Variants in GOLPH3L observed in about 807,000 individuals in gnomAD.
GOLPH3L encodes Golgi phosphoprotein 3-like.
Under a neutral mutation model 30.3 loss-of-function variants are expected in GOLPH3L, and 22 were observed. That is an observed-to-expected ratio of 0.73 (90% CI 0.52 to 1.04). GOLPH3L has a LOEUF of 1.04. Ranked by LOEUF, GOLPH3L falls within the 50% of genes least tolerant of loss-of-function variation. GOLPH3L has a pLI of 0.00. For synonymous variants in GOLPH3L, 120 were observed against 128.2 expected, an observed-to-expected ratio of 0.94 and a Z score of 0.43; for missense variants, 303 against 345.8, an observed-to-expected ratio of 0.88 and a Z score of 0.98.
intron 2 of GOLPH3L, among the ~76,000 whole-genome samples, chr1:150,680,161 G>A (rs923298070): frequency 3.3e-5 from 5 of 152,102 alleles, no homozygotes; most frequent in Non-Finnish European, 7.4e-5. Context: ...GGAATGGAAA[G>A]GAGGTATCAA....
chr1:150,663,296 T>C (rs978424156), intron 3 of GOLPH3L, among the ~76,000 whole-genome samples: 2 of 152,102 alleles, frequency 1.3e-5, no homozygotes, highest in African/African-American at 4.8e-5. Flanking sequence ...CGCCTCGGCC[T>C]CTCAAAGTGC....
At chr1:150,690,932 C>T (rs1651194234) in intron 2 of GOLPH3L, among the ~76,000 whole-genome samples, 1 of 152,098 alleles carries the variant, frequency 6.6e-6, no homozygotes, top group Non-Finnish European at 1.5e-5. Context: ...AAATATTTTG[C>T]ATTGTGAAAT....
At chr1:150,683,392 T>C (rs879549435) in intron 2 of GOLPH3L, among the ~76,000 whole-genome samples, 3 of 151,628 alleles carry the variant, frequency 2.0e-5, no homozygotes, top group Non-Finnish European at 4.4e-5. Flanking sequence ...AAAAATTAGC[T>C]GGGCGTGGTG....
Position 150,697,063 on chromosome 1 carries a change from T to TCCCCA in GOLPH3L, c.-89_-85dup, listed in dbSNP as rs1651379369. On this transcript the variant is annotated 5_prime_UTR_variant, in exon 1 of 5. Coordinates refer to ENST00000271732, the MANE Select transcript of GOLPH3L (RefSeq NM_018178.6). ...CTGTATTTTAGAAGGACACCTGTTC[T>TCCCCA]CCCCACCCCACCCCCGTCCTAGTAG... The TCCCCA allele has an allele frequency of 6.6e-6, 1 of 152,114 alleles. No individual in the cohort carries two copies. The highest frequency in any genetic ancestry group is 1.5e-5 in the Non-Finnish European group (1 of 68,094). 9.4% of individuals were successfully genotyped at this position (152,114 alleles called of 1,614,324 possible).
At chr1:150,691,160 A>G (rs1183631770) in intron 2 of GOLPH3L, among the ~76,000 whole-genome samples, 1 of 151,982 alleles carries the variant, frequency 6.6e-6, no homozygotes, top group Non-Finnish European at 1.5e-5. Flanking sequence ...CAGGAGGGAC[A>G]GAGCAAGACT....
chr1:150,649,948 C>T (rs983884123), intron 4 of GOLPH3L, among the ~76,000 whole-genome samples: 3 of 152,008 alleles, frequency 2.0e-5, no homozygotes, highest in Non-Finnish European at 4.4e-5. Context: ...GATTGTACCA[C>T]TGCACTCCAG....
intron 2 of GOLPH3L, among the ~76,000 whole-genome samples, chr1:150,690,654 T>C (rs587754463): frequency 3.3e-5 from 5 of 152,340 alleles, no homozygotes; most frequent in South Asian, 4.1e-4. Context: ...GTTCTCCACC[T>C]ACTTCAGTCA....
chr1:150,668,345 G>A (rs1346619787), intron 2 of GOLPH3L, among the ~76,000 whole-genome samples: 1 of 152,084 alleles, frequency 6.6e-6, no homozygotes, highest in Non-Finnish European at 1.5e-5. Flanking sequence ...TCCCTCCCCT[G>A]CCTGCCTCAT....
chr1:150,666,342 T>TTTTG lies in GOLPH3L; in HGVS notation c.184-2583_184-2580dup, dbSNP rs139020031. Among the ~76,000 whole-genome samples, 9 of 151,398 alleles carry TTTTG rather than the reference T, an allele frequency of 5.9e-5. No individual in the cohort carries two copies. The South Asian group carries it at 1.2e-3, about 21-fold the overall frequency. On this transcript the variant is annotated intron_variant, in intron 2 of 4. Transcript: ENST00000271732. ...TTCTCTGTATTGCTTTCTGGAGAGT[T>TTTTG]TTTGTTTGTTTGTTTGTTTCTGAGA...
intron 2 of GOLPH3L, among the ~76,000 whole-genome samples, chr1:150,691,031 C>T (rs11204702): frequency 2.6e-5 from 4 of 151,972 alleles, no homozygotes; most frequent in African/African-American, 4.8e-5. Flanking sequence ...CAGTGGCTCA[C>T]GCTTGTAATC....
chr1:150,654,770 T>G (rs1050101926), intron 4 of GOLPH3L, among the ~76,000 whole-genome samples: 7 of 152,208 alleles, frequency 4.6e-5, no homozygotes, highest in African/African-American at 1.7e-4. Flanking sequence ...AGTGCCGCAG[T>G]AGATTTATGC....
intron 4 of GOLPH3L, among the ~76,000 whole-genome samples, chr1:150,656,907 C>T (rs1423760425): frequency 6.6e-6 from 1 of 152,074 alleles, no homozygotes; most frequent in Non-Finnish European, 1.5e-5. Flanking sequence ...TAAATTTAAA[C>T]CAATTGAAGG....
At chr1:150,661,696 T>C (rs1033229896) in intron 4 of GOLPH3L, 118 bp downstream of exon 4, 4 of 619,522 alleles carry the variant, frequency 6.5e-6, no homozygotes, top group Non-Finnish European at 1.2e-5. Context: ...TAGAATTAAA[T>C]AGTGAACCAC....
intron 4 of GOLPH3L, among the ~76,000 whole-genome samples, chr1:150,651,018 T>TA (rs1290439960): frequency 6.6e-6 from 1 of 152,272 alleles, no homozygotes; most frequent in Non-Finnish European, 1.5e-5. Flanking sequence ...ACAGAAATTA[T>TA]AAAAAAGATC....
chr1:150,674,820 A>T (rs769106858), intron 2 of GOLPH3L, among the ~76,000 whole-genome samples: 4 of 151,894 alleles, frequency 2.6e-5, no homozygotes, highest in Admixed American at 2.6e-4. Context: ...CAAGCCCAGG[A>T]GGTCAAGGGG....
rs771027376 is a variant in GOLPH3L, at chr1:150,663,638, G to T, written c.309C>A (p.Asp103Glu). The T allele has an allele frequency of 1.9e-6, 3 of 1,612,936 alleles. No homozygotes were observed. Among genetic ancestry groups the T allele is most frequent in the South Asian group, 1.1e-5 (1 of 90,948 alleles). The change falls in exon 3 of 5, where the codon GAC becomes GAA. Residue 103 changes from aspartate (D) to glutamate (E), a missense_variant. Asp to Glu is a conservative substitution (Grantham distance 45, BLOSUM62 2). Transcript: ENST00000271732. The stretch of plus-strand genomic sequence containing the variant: ...TTCACAGAGGATTCAGTACCTTTCT[G>T]TCTAGTAGTCGCTTCTTACGCATGG... ...PPTMRKKRLL[D>E]RKVLLKSDSP...
chr1:150,679,024 TC>T (rs1650885539), intron 2 of GOLPH3L, among the ~76,000 whole-genome samples: 1 of 152,180 alleles, frequency 6.6e-6, no homozygotes, highest in Non-Finnish European at 1.5e-5. Flanking sequence ...TAATTATACT[TC>T]CCTCTATTGC....
At chr1:150,663,190 A>G (rs1374933296) in intron 3 of GOLPH3L, among the ~76,000 whole-genome samples, 1 of 151,880 alleles carries the variant, frequency 6.6e-6, no homozygotes, top group African/African-American at 2.4e-5. Flanking sequence ...GCCCGCCACA[A>G]TGCCCCGCTA....
rs190880809 is a variant in GOLPH3L at position 150,672,470 on chromosome 1, G to T, written c.184-8707C>A. ...ATTTGAGACGGAGTCTCAATCTATC[G>T]CCCAGGCTGGAGTGCAGTGGCACAA... On this transcript the variant is annotated intron_variant, in intron 2 of 4. Coordinates refer to ENST00000271732, the MANE Select transcript of GOLPH3L (RefSeq NM_018178.6). Among the ~76,000 whole-genome samples the T allele has an allele frequency of 1.5e-3, 227 of 152,106 alleles. 1 individual carries two copies. Among genetic ancestry groups the T allele is most frequent in the African/African-American group, 5.0e-3 (209 of 41,496 alleles).
Sources: allele counts gnomAD v4.1 joint callset (sites outside exome capture counted in the v4.1 genomes callset), GRCh38; gene constraint gnomAD v4.1.1; transcripts MANE v1.5; gene names NCBI Gene and HGNC (gene_info 2026-07-23, HGNC 2026-07-21).